Variants in RPTOR observed in about 807,000 individuals in gnomAD.
The protein encoded by RPTOR is regulatory associated protein of MTOR complex 1.
A neutral mutation model predicts 169.9 loss-of-function variants in RPTOR; 21 were observed. The observed-to-expected ratio is 0.12, with a 90% CI of 0.09 to 0.18. RPTOR has a LOEUF of 0.18. Among genes scored for constraint, RPTOR ranks in the 10% least tolerant of loss-of-function variants. The probability of loss-of-function intolerance (pLI) is 1.00; values close to 1 mark genes in which losing one functional copy is unlikely to be tolerated. For missense variants in RPTOR, 1,133 were observed against 1,855.9 expected (o/e 0.61, Z 7.16); for synonymous variants, 732 against 753.2 (o/e 0.97, Z 0.46).
intron 20 of RPTOR, among the ~76,000 whole-genome samples, chr17:80,895,864 C>G (rs1006921716): frequency 2.6e-5 from 4 of 152,224 alleles, no homozygotes; most frequent in African/African-American, 7.2e-5. Context: ...GCCTTGCAGC[C>G]TTACAGACTC....
intron 6 of RPTOR, among the ~76,000 whole-genome samples, chr17:80,772,237 A>C (rs932058451): frequency 6.6e-6 from 1 of 152,214 alleles, no homozygotes; most frequent in African/African-American, 2.4e-5. Context: ...GCTTTTAAAA[A>C]ATAAATGTAC....
chr17:80,870,264 A>G (rs2143796107), intron 13 of RPTOR, among the ~76,000 whole-genome samples: 1 of 152,346 alleles, frequency 6.6e-6, no homozygotes, highest in Non-Finnish European at 1.5e-5. Context: ...CCAGATTTGG[A>G]AATTCAAAGA....
intron 23 of RPTOR, 49 bp from the exon 24 acceptor site, chr17:80,925,321 C>T (rs1475521672): frequency 6.6e-7 from 1 of 1,514,492 alleles, no homozygotes; most frequent in Non-Finnish European, 9.1e-7. Context: ...AGTGGCATGA[C>T]TGACTGGTGT....
rs1174020736 is a variant in RPTOR at position 80,820,672 on chromosome 17, G to A, written c.891-1529G>A. On this transcript the variant is annotated intron_variant, in intron 7 of 33. Transcript: ENST00000306801. This position sits in a 1 kb window ranked among gnomAD's most constrained non-coding sequence, Gnocchi z 4.1. ...CAGGCAGCCTGGCCATTCCTCCTGC[G>A]CACAGTGGACATGCTTGTTCTGAAG... 6.6e-6 allele frequency among the ~76,000 whole-genome samples: 1 copy of A among 152,188 alleles called. No homozygotes were observed. Among genetic ancestry groups the A allele is most frequent in the African/African-American group, 2.4e-5 (1 of 41,430 alleles).
chr17:80,931,162 G>A (rs35848637), intron 24 of RPTOR, among the ~76,000 whole-genome samples: 28,010 of 152,012 alleles, frequency 0.18, 2,694 homozygotes, highest in Admixed American at 0.22. Flanking sequence ...TTCCACCTCC[G>A]CCTGCAGACA....
At chr17:80,618,604 T>C (rs922359803) in intron 1 of RPTOR, among the ~76,000 whole-genome samples, 1 of 152,176 alleles carries the variant, frequency 6.6e-6, no homozygotes, top group African/African-American at 2.4e-5. Context: ...TTGATCAGGA[T>C]GTTCTACAGG....
At chr17:80,850,535 G>T (rs1000576691) in intron 11 of RPTOR, among the ~76,000 whole-genome samples, 1 of 152,178 alleles carries the variant, frequency 6.6e-6, no homozygotes, top group East Asian at 1.9e-4. Flanking sequence ...TCAACCTCCA[G>T]AGTAGCTGGG....
At chr17:80,879,085 G>T (rs544183713) in intron 13 of RPTOR, among the ~76,000 whole-genome samples, 1 of 152,102 alleles carries the variant, frequency 6.6e-6, no homozygotes, top group Non-Finnish European at 1.5e-5. Flanking sequence ...TCGGCTGTGC[G>T]CGCCCCGGAG....
rs777052031 is a variant in RPTOR at position 80,880,426 on chromosome 17, G to A, written c.1521G>A (p.Ala507=). 1.4e-5 allele frequency: 23 copies of A among 1,613,606 alleles called. No individual in the cohort carries two copies. The highest frequency in any genetic ancestry group is 5.0e-5 in the Admixed American group (3 of 60,000). The stretch of plus-strand genomic sequence containing the variant: ...CTCTTTCTGTCCAGTCGTGCCAAGC[G>A]GACCTCGTGAAGGACAACGGCCACA... ...KILAVDSSCQ[A]DLVKDNGHKY... is the part of the protein sequence containing the mutation. Residue 507 remains alanine (A), a synonymous_variant, in exon 14 of 34, where the codon GCG becomes GCA. Transcript: ENST00000306801.
intron 1 of RPTOR, among the ~76,000 whole-genome samples, chr17:80,604,317 G>A (rs1470073919): frequency 1.3e-5 from 2 of 152,232 alleles, no homozygotes; most frequent in African/African-American, 4.8e-5. Flanking sequence ...TGCAGATACA[G>A]AATGCTGGCA....
chr17:80,854,075 T>C (rs1478154106), intron 11 of RPTOR, among the ~76,000 whole-genome samples: 1 of 152,028 alleles, frequency 6.6e-6, no homozygotes, highest in Non-Finnish European at 1.5e-5. Flanking sequence ...AACTCTGACA[T>C]GTCAATAAGA....
At chr17:80,876,690 A>C (rs1598371355) in intron 13 of RPTOR, among the ~76,000 whole-genome samples, 1 of 94,590 alleles carries the variant, frequency 1.1e-5, no homozygotes. Context: ...CGGGTCTTCC[A>C]CCAAGCCCCT....
intron 6 of RPTOR, among the ~76,000 whole-genome samples, chr17:80,774,673 T>C (rs8064506): frequency 0.27 from 41,397 of 152,074 alleles, 5,796 homozygotes; most frequent in African/African-American, 0.33. Flanking sequence ...CAGCTTCCCG[T>C]TGGGGACTTT....
rs1473070950 is a variant in RPTOR at position 80,841,918 on chromosome 17, G to C, written c.1212+3921G>C. Among the ~76,000 whole-genome samples, 10 of 111,672 alleles carry C rather than the reference G, an allele frequency of 9.0e-5. 2 individuals are homozygous for C. The highest frequency in any genetic ancestry group is 1.4e-4 in the African/African-American group (4 of 27,658). 73.3% of individuals were successfully genotyped at this position (111,672 alleles called of 152,430 possible). On this transcript the variant is annotated intron_variant, in intron 10 of 33. Transcript: ENST00000306801. Reference sequence around the variant, plus strand: ...GCACGGCAGCTCACTCTCACCGCACGGCAGCTCACACTCACCGCACGGCAG... The same window carrying C: ...GCACGGCAGCTCACTCTCACCGCACCGCAGCTCACACTCACCGCACGGCAG...
chr17:80,651,634 A>G lies in RPTOR; in HGVS notation c.348+7824A>G, dbSNP rs2065640525. Among the ~76,000 whole-genome samples, 1 of 152,212 alleles carries G rather than the reference A, an allele frequency of 6.6e-6. No homozygotes were observed. The highest frequency in any genetic ancestry group is 2.4e-5 in the African/African-American group (1 of 41,452). On this transcript the variant is annotated intron_variant, in intron 3 of 33. Coordinates refer to ENST00000306801, the MANE Select transcript of RPTOR (RefSeq NM_020761.3). The surrounding 1 kb of genome is among the most constrained non-coding windows in gnomAD (Gnocchi z 4.1). ...AGTGGCTCGCGCCTGTAATCCTAGCACTTTGGGAGGCCGAGGTGGGCAGAT... is the reference window on the plus strand; with the variant it reads ...AGTGGCTCGCGCCTGTAATCCTAGCGCTTTGGGAGGCCGAGGTGGGCAGAT...
At chr17:80,859,384 GT>G (rs2067892189) in intron 13 of RPTOR, among the ~76,000 whole-genome samples, 1 of 152,240 alleles carries the variant, frequency 6.6e-6, no homozygotes, top group Non-Finnish European at 1.5e-5. Context: ...TGAGAATGGA[GT>G]TGGGGGATAT....
intron 9 of RPTOR, among the ~76,000 whole-genome samples, chr17:80,825,811 G>A (rs1041050901): frequency 1.1e-4 from 16 of 152,198 alleles, no homozygotes; most frequent in Non-Finnish European, 2.2e-4. Flanking sequence ...GATCCAGCCC[G>A]CATGGTCCAT....
intron 1 of RPTOR, among the ~76,000 whole-genome samples, chr17:80,553,805 G>A (rs1369969568): frequency 2.0e-5 from 3 of 151,664 alleles, no homozygotes; most frequent in Admixed American, 1.3e-4. Flanking sequence ...GCAGTGGCGC[G>A]ATCTCGGCTC....
chr17:80,851,022 G>A (rs1364128175), intron 11 of RPTOR, among the ~76,000 whole-genome samples: 2 of 152,172 alleles, frequency 1.3e-5, no homozygotes, highest in Non-Finnish European at 2.9e-5. Flanking sequence ...TCCAACTCCT[G>A]GGGTCAGGCC....
Sources: allele counts gnomAD v4.1 joint callset (sites outside exome capture counted in the v4.1 genomes callset), GRCh38; gene constraint gnomAD v4.1.1; non-coding constraint Gnocchi (gnomAD v3.1); transcripts MANE v1.5; gene names NCBI Gene and HGNC (gene_info 2026-07-23, HGNC 2026-07-21).